HNF4G: variants seen among roughly 807,000 people sequenced by gnomAD.
HNF4G encodes hepatocyte nuclear factor 4-gamma.
Under a neutral mutation model 50.9 loss-of-function variants are expected in HNF4G, and 21 were observed. That is an observed-to-expected ratio of 0.41 (90% CI 0.29 to 0.59). HNF4G has a LOEUF of 0.59. HNF4G is among the 20% of genes least tolerant of loss of function. HNF4G has a pLI of 0.26. For synonymous variants in HNF4G, 198 were observed against 185.6 expected (o/e 1.07, Z -0.54); for missense variants, 527 against 559.4 (o/e 0.94, Z 0.58).
chr8:75,468,476 A>G (rs187936064), intron 1 of HNF4G, among the ~76,000 whole-genome samples: 22 of 152,258 alleles, frequency 1.4e-4, no homozygotes, highest in African/African-American at 4.6e-4. Flanking sequence ...CAAGTGGATC[A>G]TGAGGTCAGG....
rs1221783957 is a variant in HNF4G at position 75,565,349 on chromosome 8, T to G, written c.*1253T>G. The G allele has an allele frequency of 9.3e-6, 1 of 107,346 alleles. No homozygotes were observed. Among genetic ancestry groups the G allele is most frequent in the Non-Finnish European group, 2.1e-5 (1 of 47,014 alleles). The allele number at this position is 107,346 out of a possible 1,614,324, so 6.6% of individuals were successfully genotyped here. A position where few individuals can be genotyped will look rare whatever the true frequency, so the allele number is the denominator to read the frequency against. The stretch of plus-strand genomic sequence containing the variant: ...CTTGAATAAGAAACCACTTTTGTAG[T>G]TTTAACCAGACTTTCTCTTAAAAAC... On this transcript the variant is annotated 3_prime_UTR_variant, in exon 10 of 10. Coordinates refer to ENST00000396423, the MANE Select transcript of HNF4G (RefSeq NM_004133.5).
At chr8:75,435,378 C>G (rs1013273534) in intron 1 of HNF4G, among the ~76,000 whole-genome samples, 2 of 152,102 alleles carry the variant, frequency 1.3e-5, no homozygotes, top group Non-Finnish European at 2.9e-5. Flanking sequence ...AAAAGCTTAA[C>G]AACCTAAAAA....
chr8:75,496,720 T>G (rs1812776983), intron 2 of HNF4G, among the ~76,000 whole-genome samples: 1 of 151,882 alleles, frequency 6.6e-6, no homozygotes, highest in Admixed American at 6.6e-5. Context: ...AATAAGACTA[T>G]AACCAGACAA....
intron 2 of HNF4G, among the ~76,000 whole-genome samples, chr8:75,503,283 TA>T (rs1812979925): frequency 6.6e-6 from 1 of 152,202 alleles, no homozygotes; most frequent in Non-Finnish European, 1.5e-5. Flanking sequence ...TTCCTCTTTG[TA>T]AAATAAAGAG....
intron 2 of HNF4G, among the ~76,000 whole-genome samples, chr8:75,523,761 A>T (rs1180192660): frequency 6.6e-6 from 1 of 151,930 alleles, no homozygotes; most frequent in East Asian, 1.9e-4. Context: ...TAGAGTATTA[A>T]ATCACAAAAA....
chr8:75,550,697 A>G (rs996217523), intron 3 of HNF4G, among the ~76,000 whole-genome samples: 2 of 87,846 alleles, frequency 2.3e-5, no homozygotes, highest in Non-Finnish European at 4.3e-5. Flanking sequence ...GAATTACATT[A>G]CTCTTTTTTT....
Position 75,544,044 on chromosome 8 carries a change from A to G in HNF4G, c.287+65A>G, listed in dbSNP as rs1806700632. The G allele has an allele frequency of 2.9e-6, 4 of 1,397,444 alleles. No homozygotes were observed. In the South Asian group the frequency reaches 4.3e-5, roughly 15 times the overall value. 86.6% of individuals were successfully genotyped at this position (1,397,444 alleles called of 1,614,324 possible). A position where few individuals can be genotyped will look rare whatever the true frequency, so the allele number is the denominator to read the frequency against. ...TGTTTCAGTTTGGCACGCAAAAAGT[A>G]AGAGAAGAAAATTCAGAGTTTTCGT... On this transcript the variant is annotated intron_variant, in intron 2 of 9. Transcript: ENST00000396423.
At chr8:75,470,133 G>A (rs947784085) in intron 1 of HNF4G, among the ~76,000 whole-genome samples, 6 of 152,312 alleles carry the variant, frequency 3.9e-5, no homozygotes, top group Admixed American at 6.5e-5. Flanking sequence ...AAAGTAGGGT[G>A]TAATCTTTGC....
intron 2 of HNF4G, among the ~76,000 whole-genome samples, chr8:75,508,443 G>T (rs2943577): frequency 6.6e-6 from 1 of 150,612 alleles, no homozygotes; most frequent in South Asian, 2.1e-4. Flanking sequence ...ATATTAAACA[G>T]TTAAATAAAA....
intron 1 of HNF4G, among the ~76,000 whole-genome samples, chr8:75,438,302 C>T (rs914108946): frequency 1.2e-4 from 18 of 152,158 alleles, no homozygotes; most frequent in African/African-American, 4.3e-4. Context: ...AGCCAGATCC[C>T]TGGCTGCCAA....
chr8:75,429,270 T>C (rs929298962), intron 1 of HNF4G, among the ~76,000 whole-genome samples: 6 of 152,340 alleles, frequency 3.9e-5, no homozygotes, highest in Admixed American at 2.6e-4. Context: ...ACTGACTCAA[T>C]TTAGACTTTG....
intron 1 of HNF4G, among the ~76,000 whole-genome samples, chr8:75,431,016 TA>T (rs1563503426): frequency 6.6e-6 from 1 of 152,070 alleles, no homozygotes; most frequent in South Asian, 2.1e-4. Context: ...CAGATACATT[TA>T]AAAAAGAACC....
intron 1 of HNF4G, among the ~76,000 whole-genome samples, chr8:75,436,457 G>A (rs1194559069): frequency 6.6e-6 from 1 of 152,142 alleles, no homozygotes; most frequent in Non-Finnish European, 1.5e-5. Context: ...GAAACAGAAT[G>A]CTCGGCCCAT....
At chr8:75,444,624 C>T (rs1208445742) in intron 1 of HNF4G, among the ~76,000 whole-genome samples, 1 of 128,342 alleles carries the variant, frequency 7.8e-6, no homozygotes, top group Non-Finnish European at 1.6e-5. Flanking sequence ...GCAGGGGTTG[C>T]AATCCTAGTC....
chr8:75,446,727 A>T lies in HNF4G; in HGVS notation c.-144+38565A>T, dbSNP rs879325380. On this transcript the variant is annotated intron_variant, in intron 1 of 10. Coordinates refer to the HNF4G transcript ENST00000354370. ...TACCTAGGAATCCAACTTACAAGGG[A>T]TCTGAAGGACCTCTTCAAGGAGAAC... 2.7e-3 allele frequency among the ~76,000 whole-genome samples: 273 copies of T among 100,684 alleles called. 3 individuals are homozygous for T. The highest frequency in any genetic ancestry group is 3.9e-3 in the Non-Finnish European group (204 of 52,376). The allele number at this position is 100,684 out of a possible 152,430, so 66.1% of individuals were successfully genotyped here. A position where few individuals can be genotyped will look rare whatever the true frequency, so the allele number is the denominator to read the frequency against.
intron 1 of HNF4G, among the ~76,000 whole-genome samples, chr8:75,408,435 C>T (rs932221567): frequency 6.6e-6 from 1 of 152,048 alleles, no homozygotes; most frequent in Non-Finnish European, 1.5e-5. Flanking sequence ...TGGGTAGGTG[C>T]TTGGTCCTGC....
intron 1 of HNF4G, among the ~76,000 whole-genome samples, chr8:75,467,621 G>C (rs113437958): frequency 2.9e-4 from 43 of 150,440 alleles, no homozygotes; most frequent in Admixed American, 8.0e-4. Context: ...GATCGTGCCA[G>C]TGCACTCCAG....
chr8:75,546,683 T>C (rs538079141), intron 2 of HNF4G, among the ~76,000 whole-genome samples: 4 of 152,298 alleles, frequency 2.6e-5, no homozygotes, highest in Admixed American at 2.0e-4. Context: ...ATCCCTGTTA[T>C]AGCATTTATC....
At chr8:75,557,186 G>C (rs1229649032) in intron 6 of HNF4G, among the ~76,000 whole-genome samples, 1 of 152,098 alleles carries the variant, frequency 6.6e-6, no homozygotes, top group Non-Finnish European at 1.5e-5. Flanking sequence ...GTTCTAAATT[G>C]ATTTACCCAG....
Sources: allele counts gnomAD v4.1 joint callset (sites outside exome capture counted in the v4.1 genomes callset), GRCh38; gene constraint gnomAD v4.1.1; transcripts MANE v1.5; gene names NCBI Gene and HGNC (gene_info 2026-07-23, HGNC 2026-07-21).